Variants in CHN2 observed in about 807,000 individuals in gnomAD.
The protein encoded by CHN2 is beta-chimaerin.
In CHN2, 35 loss-of-function variants were observed where a neutral mutation model predicts 56.3. That is an observed-to-expected ratio of 0.62 (90% confidence interval 0.47 to 0.82). CHN2 has a LOEUF of 0.82. Among genes scored for constraint, CHN2 ranks in the 40% least tolerant of loss-of-function variants. The pLI is 0.00. For missense variants in CHN2, 491 were observed against 580.5 expected (o/e 0.85, Z 1.58); for synonymous variants, 210 against 212.8 (o/e 0.99, Z 0.12).
At chr7:29,240,510 TA>T (rs1419726268) in intron 1 of CHN2, among the ~76,000 whole-genome samples, 1 of 152,228 alleles carries the variant, frequency 6.6e-6, no homozygotes, top group Non-Finnish European at 1.5e-5. Context: ...AGAAACTATA[TA>T]TTTTTTCAAC....
chr7:29,498,259 C>T, intron 8 of CHN2, among the ~76,000 whole-genome samples: 1 of 152,166 alleles, frequency 6.6e-6, no homozygotes, highest in East Asian at 1.9e-4. Context: ...TTATTTGAGC[C>T]TCATGGCTAA....
chr7:29,211,071 G>GTTA (rs1784895550), intron 1 of CHN2, among the ~76,000 whole-genome samples: 1 of 146,308 alleles, frequency 6.8e-6, no homozygotes, highest in African/African-American at 2.5e-5. Flanking sequence ...TTTTTTTTTT[G>GTTA]TTGTTGTTGT....
At chr7:29,168,935 T>A (rs1024530796) in intron 2 of CHN2, among the ~76,000 whole-genome samples, 1 of 152,208 alleles carries the variant, frequency 6.6e-6, no homozygotes, top group Non-Finnish European at 1.5e-5. Context: ...TTTTAAGTAA[T>A]ACCCAGCCCA....
intron 7 of CHN2, among the ~76,000 whole-genome samples, chr7:29,486,393 C>T (rs1283736199): frequency 3.3e-5 from 5 of 152,158 alleles, no homozygotes; most frequent in Non-Finnish European, 7.3e-5. Flanking sequence ...AGTCCTTCCA[C>T]GGAGTGGGCC....
intron 7 of CHN2, among the ~76,000 whole-genome samples, chr7:29,494,222 C>G (rs1369130956): frequency 6.6e-6 from 1 of 152,144 alleles, no homozygotes; most frequent in African/African-American, 2.4e-5. Flanking sequence ...TTGGGCCCCA[C>G]TTGGTCTCTC....
chr7:29,338,036 G>A, intron 1 of CHN2, among the ~76,000 whole-genome samples: 1 of 152,160 alleles, frequency 6.6e-6, no homozygotes, highest in East Asian at 1.9e-4. Context: ...ATTTTTACTG[G>A]TCTTACAGTA....
At chr7:29,413,696 G>A (rs1774355655) in intron 6 of CHN2, among the ~76,000 whole-genome samples, 1 of 152,164 alleles carries the variant, frequency 6.6e-6, no homozygotes, top group Non-Finnish European at 1.5e-5. Flanking sequence ...TGTGACTTGC[G>A]GGTCATTTCA....
At chr7:29,497,048 T>C (rs1375233636) in intron 8 of CHN2, among the ~76,000 whole-genome samples, 1 of 152,226 alleles carries the variant, frequency 6.6e-6, no homozygotes, top group African/African-American at 2.4e-5. Flanking sequence ...CCTCTCTGCC[T>C]GGAAGAGGCT....
chr7:29,508,014 T>C (rs531669380), intron 11 of CHN2, among the ~76,000 whole-genome samples: 121 of 152,316 alleles, frequency 7.9e-4, no homozygotes, highest in African/African-American at 2.8e-3. Flanking sequence ...CTATTGATGC[T>C]GTTCAAAATG....
intron 2 of CHN2, among the ~76,000 whole-genome samples, chr7:29,177,235 T>C (rs1173560121): frequency 1.0e-5 from 1 of 98,222 alleles, no homozygotes; most frequent in African/African-American, 4.8e-5. Context: ...TTTTTTTGTT[T>C]TATTTTGTTT....
intron 2 of CHN2, among the ~76,000 whole-genome samples, chr7:29,180,715 C>T (rs1283474600): frequency 6.6e-6 from 1 of 152,160 alleles, no homozygotes; most frequent in Non-Finnish European, 1.5e-5. Context: ...AACACTAACA[C>T]ACTAATTAAG....
At chr7:29,163,496 G>A (rs1334427588) in intron 2 of CHN2, among the ~76,000 whole-genome samples, 6 of 152,088 alleles carry the variant, frequency 3.9e-5, no homozygotes, top group African/African-American at 1.4e-4. Context: ...TGACACATAT[G>A]TTAATGGGCA....
intron 1 of CHN2, among the ~76,000 whole-genome samples, chr7:29,324,830 T>C (rs1351246822): frequency 1.3e-5 from 2 of 152,220 alleles, no homozygotes; most frequent in East Asian, 1.9e-4. Flanking sequence ...TGATCCACTG[T>C]ACATGGATAG....
chr7:29,177,406 A>C (rs550970487), intron 2 of CHN2, among the ~76,000 whole-genome samples: 6 of 152,140 alleles, frequency 3.9e-5, no homozygotes, highest in African/African-American at 1.4e-4. Flanking sequence ...GGTGCACACC[A>C]CAATGCTGGG....
chr7:29,273,194 A>G (rs1379210823), intron 1 of CHN2, among the ~76,000 whole-genome samples: 11 of 151,452 alleles, frequency 7.3e-5, no homozygotes, highest in Admixed American at 5.9e-4. Context: ...AATTCCACAT[A>G]TAAGTGAGAT....
intron 1 of CHN2, among the ~76,000 whole-genome samples, chr7:29,320,467 A>T (rs1795254072): frequency 6.6e-6 from 1 of 152,174 alleles, no homozygotes; most frequent in African/African-American, 2.4e-5. Flanking sequence ...CAGATTTGTG[A>T]TCACACATTT....
intron 6 of CHN2, among the ~76,000 whole-genome samples, chr7:29,451,315 G>T (rs1359364217): frequency 1.3e-5 from 2 of 152,152 alleles, no homozygotes; most frequent in African/African-American, 4.8e-5. Flanking sequence ...AAAGTTCCGT[G>T]TGAATTGTCA....
Position 29,411,340 on chromosome 7 carries a change from C to A in CHN2, c.576+10512C>A, listed in dbSNP as rs537524745. Among the ~76,000 whole-genome samples, 74 of 152,306 alleles carry A rather than the reference C, an allele frequency of 4.9e-4. 1 individual carries two copies. Among genetic ancestry groups the A allele is most frequent in the South Asian group, 1.9e-3 (9 of 4,824 alleles). On this transcript the variant is annotated intron_variant, in intron 6 of 12. Transcript: ENST00000222792. ...ATTATTTTCCTTCTTTGGCCTCGTA[C>A]TGGGTATCACCCTCTTTGTTACCTC... is the stretch of plus-strand genomic sequence containing the variant.
chr7:29,458,744 G>A (rs1306172145), intron 6 of CHN2, among the ~76,000 whole-genome samples: 2 of 152,258 alleles, frequency 1.3e-5, no homozygotes, highest in Admixed American at 1.3e-4. Context: ...TTATCCAAAC[G>A]TCCTCTATCA....
Sources: gnomAD v4.1 joint callset for allele counts (sites outside exome capture counted in the v4.1 genomes callset) on GRCh38, gnomAD v4.1.1 for gene constraint, MANE v1.5 for transcripts, NCBI Gene and HGNC (gene_info 2026-07-23, HGNC 2026-07-21) for gene names.